The following SDK1 variants were observed in gnomAD, a reference collection of about 807,000 sequenced individuals.
SDK1 encodes the protein protein sidekick-1.
SDK1 carries 157 observed loss-of-function variants against 245.5 expected under a neutral mutation model. The observed-to-expected ratio is 0.64, with a 90% CI of 0.56 to 0.73. The LOEUF is 0.73. Among genes scored for constraint, SDK1 ranks in the 30% least tolerant of loss-of-function variants. The pLI, the probability that SDK1 is intolerant of heterozygous loss-of-function variation, is 0.00. For synonymous variants in SDK1, 1,647 were observed against 1,278.5 expected, an observed-to-expected ratio of 1.29 and a Z score of -6.15; for missense variants, 3,583 against 3,002.3, an observed-to-expected ratio of 1.19 and a Z score of -4.52.
intron 4 of SDK1, among the ~76,000 whole-genome samples, chr7:3,761,307 T>C (rs541102204): frequency 6.7e-6 from 1 of 149,172 alleles, no homozygotes; most frequent in South Asian, 2.2e-4. Context: ...TATTTAGTTA[T>C]TAGGTGGCAA....
At chr7:3,858,012 C>T (rs546507875) in intron 5 of SDK1, among the ~76,000 whole-genome samples, 1 of 152,182 alleles carries the variant, frequency 6.6e-6, no homozygotes, top group South Asian at 2.1e-4. Context: ...GTCACCTCTC[C>T]CCAAATCTAT....
At chr7:4,227,141 G>A (rs1193247058) in intron 40 of SDK1, 2 of 285,558 alleles carry the variant, frequency 7.0e-6, no homozygotes, top group Non-Finnish European at 1.4e-5. Flanking sequence ...AAGTGAGTAA[G>A]GAAGAAAATC....
intron 1 of SDK1, among the ~76,000 whole-genome samples, chr7:3,491,202 C>T (rs991777543): frequency 5.9e-5 from 9 of 152,194 alleles, no homozygotes; most frequent in Admixed American, 2.0e-4. Flanking sequence ...CAGTTAGGTG[C>T]CCTCTAGGGT....
At chr7:4,195,396 G>A (rs1024736330) in intron 35 of SDK1, among the ~76,000 whole-genome samples, 2 of 152,076 alleles carry the variant, frequency 1.3e-5, no homozygotes, top group Admixed American at 6.6e-5. Context: ...CTGCAGCTCC[G>A]CTTCTCTCTG....
At chr7:3,747,527 C>G (rs371853563) in intron 4 of SDK1, among the ~76,000 whole-genome samples, 22 of 152,252 alleles carry the variant, frequency 1.4e-4, no homozygotes, top group African/African-American at 5.3e-4. Flanking sequence ...TGTCGTGGGC[C>G]TTGTCTATGC....
chr7:3,577,018 T>C (rs1331757844), intron 1 of SDK1, among the ~76,000 whole-genome samples: 1 of 151,974 alleles, frequency 6.6e-6, no homozygotes, highest in African/African-American at 2.4e-5. Context: ...TCGATGCCCT[T>C]GTGGCCACCC....
chr7:3,346,827 ATTTTTTTTTT>A (rs1163275778), intron 1 of SDK1, among the ~76,000 whole-genome samples: 2 of 16,388 alleles, frequency 1.2e-4, no homozygotes, highest in African/African-American at 4.6e-4. Context: ...ATATATATAT[ATTTTTTTTTT>A]TTTTTTTTTT....
At chr7:4,053,448 C>A (rs1353494484) in intron 19 of SDK1, among the ~76,000 whole-genome samples, 3 of 152,068 alleles carry the variant, frequency 2.0e-5, no homozygotes, top group African/African-American at 7.2e-5. Context: ...GTCTTCATGG[C>A]GCTATTACTT....
chr7:3,561,274 A>T (rs1779742768), intron 1 of SDK1, among the ~76,000 whole-genome samples: 1 of 152,180 alleles, frequency 6.6e-6, no homozygotes, highest in South Asian at 2.1e-4. Context: ...CACCCTCAAA[A>T]GACTGCCTCT....
At chr7:3,849,025 C>T (rs1197892096) in intron 5 of SDK1, among the ~76,000 whole-genome samples, 1 of 152,208 alleles carries the variant, frequency 6.6e-6, no homozygotes, top group Non-Finnish European at 1.5e-5. Context: ...CCTTGAGGCC[C>T]AGCGCATCAG....
chr7:4,166,139 T>G (rs1177967105), intron 32 of SDK1, among the ~76,000 whole-genome samples: 1 of 152,238 alleles, frequency 6.6e-6, no homozygotes, highest in Non-Finnish European at 1.5e-5. Context: ...CCCAAGCAAT[T>G]GATCACACCA....
At position 4,017,205 on chromosome 7, in the gene SDK1, C is replaced by T; in HGVS notation, c.2455C>T (p.Gln819Ter). ...GGCTGGCCTTCCCGGAGAGTACCAG[C>T]AGCGGAACATCACCAGCCCGGAGGT... Reference protein sequence around the residue: ...RLAGLPGEYQQRNITSPEVNY... With the variant: ...RLAGLPGEYQ Residue 819 changes from glutamine (Q) to a stop codon, truncating the protein, a stop_gained, in exon 17 of 45, where the codon CAG (glutamine) becomes TAG (stop). Transcript: ENST00000404826. LOFTEE classifies it high-confidence loss of function. The T allele has an allele frequency of 6.2e-7, 1 of 1,613,614 alleles. No individual in the cohort carries two copies. Among genetic ancestry groups the T allele is most frequent in the Non-Finnish European group, 8.5e-7 (1 of 1,179,730 alleles).
At chr7:4,029,909 A>C (rs2128157919) in intron 17 of SDK1, among the ~76,000 whole-genome samples, 1 of 152,380 alleles carries the variant, frequency 6.6e-6, no homozygotes, top group South Asian at 2.1e-4. Flanking sequence ...GGATAAGCCA[A>C]CATGCTGCAC....
intron 22 of SDK1, among the ~76,000 whole-genome samples, chr7:4,094,985 C>G (rs544564746): frequency 3.3e-5 from 5 of 152,290 alleles, no homozygotes; most frequent in Admixed American, 6.5e-5. Context: ...GAAGCTTTGT[C>G]GAAACATTTT....
At chr7:4,075,290 A>C (rs983422185) in intron 20 of SDK1, among the ~76,000 whole-genome samples, 2 of 152,188 alleles carry the variant, frequency 1.3e-5, no homozygotes, top group Non-Finnish European at 2.9e-5. Flanking sequence ...GCCAGGCTGT[A>C]CGGGGCCTGT....
chr7:3,376,174 G>T (rs1454109497), intron 1 of SDK1, among the ~76,000 whole-genome samples: 3 of 152,136 alleles, frequency 2.0e-5, no homozygotes, highest in Non-Finnish European at 4.4e-5. Context: ...TCCAGCCCGG[G>T]TGACAGAGTG....
intron 25 of SDK1, among the ~76,000 whole-genome samples, chr7:4,116,366 T>G (rs950943742): frequency 1.3e-5 from 2 of 152,110 alleles, no homozygotes; most frequent in African/African-American, 4.8e-5. Flanking sequence ...ACCCTGGGCT[T>G]GGGTCCAGCA....
intron 4 of SDK1, among the ~76,000 whole-genome samples, chr7:3,672,780 T>TATATATATATAC (rs1783753559): frequency 9.9e-6 from 1 of 101,426 alleles, no homozygotes; most frequent in African/African-American, 3.7e-5. Flanking sequence ...TATATATATA[T>TATATATATATAC]ATATATATAT....
chr7:3,928,489 G>T (rs1779855313), intron 5 of SDK1, among the ~76,000 whole-genome samples: 2 of 152,068 alleles, frequency 1.3e-5, no homozygotes, highest in East Asian at 3.8e-4. Flanking sequence ...AAAAGTTCAG[G>T]TCAAAAAAAT....
Sources: allele counts gnomAD v4.1 joint callset (sites outside exome capture counted in the v4.1 genomes callset), GRCh38; gene constraint gnomAD v4.1.1; transcripts MANE v1.5; gene names NCBI Gene and HGNC (gene_info 2026-07-23, HGNC 2026-07-21).